Variants in ASCC2 observed in about 807,000 individuals in gnomAD.
ASCC2 encodes the protein activating signal cointegrator 1 complex subunit 2.
In ASCC2, 42 loss-of-function variants were observed where a neutral mutation model predicts 93.5. The observed-to-expected ratio is 0.45, with a 90% CI of 0.35 to 0.58. The LOEUF is 0.58. Among genes scored for constraint, ASCC2 ranks in the 20% least tolerant of loss-of-function variants. ASCC2 has a pLI of 0.00. For synonymous variants in ASCC2, 364 were observed against 384.2 expected, an observed-to-expected ratio of 0.95 and a Z score of 0.62; for missense variants, 859 against 977.6, an observed-to-expected ratio of 0.88 and a Z score of 1.62.
At chr22:29,799,788 C>T (rs768205674) in intron 15 of ASCC2, among the ~76,000 whole-genome samples, 5 of 152,110 alleles carry the variant, frequency 3.3e-5, no homozygotes, top group Admixed American at 6.6e-5. Flanking sequence ...TGGGTGAACT[C>T]TCTTATTTTT....
intron 10 of ASCC2, 99 bp downstream of exon 10, chr22:29,806,698 C>A (rs529283010): frequency 2.8e-6 from 4 of 1,423,116 alleles, no homozygotes; most frequent in Admixed American, 1.8e-5. Context: ...TTCAGCCAAC[C>A]CCAGTGCAGT....
chr22:29,833,766 C>A (rs1445606461), intron 1 of ASCC2, among the ~76,000 whole-genome samples: 1 of 151,958 alleles, frequency 6.6e-6, no homozygotes, highest in Admixed American at 6.6e-5. Context: ...ACCTCTTGAG[C>A]CTTCACAGAC....
chr22:29,827,468 G>GGT, intron 2 of ASCC2: 1 of 416,712 alleles, frequency 2.4e-6, no homozygotes, highest in South Asian at 1.8e-5. Flanking sequence ...TGCCTTCCTA[G>GGT]TGCCTTACGC....
At chr22:29,827,757 G>GACACACACACACACACACACAC (rs35763537) in intron 2 of ASCC2, among the ~76,000 whole-genome samples, 2 of 100,934 alleles carry the variant, frequency 2.0e-5, no homozygotes, top group East Asian at 3.3e-4. Context: ...TCATTCTCCC[G>GACACACACACACACACACACAC]ACACACACAC....
At chr22:29,806,949 C>T (rs752205809) in intron 9 of ASCC2, 45 bp from the exon 10 acceptor site, 25 of 1,472,366 alleles carry the variant, frequency 1.7e-5, no homozygotes, top group Non-Finnish European at 2.2e-5. Flanking sequence ...GACAAAAAGG[C>T]CCTGAGGGGC....
intron 13 of ASCC2, 127 bp from the exon 14 acceptor site, chr22:29,802,335 G>T: frequency 1.1e-6 from 1 of 899,786 alleles, no homozygotes; most frequent in Non-Finnish European, 1.7e-6. Flanking sequence ...CCTCCTGCCT[G>T]TGGGAACTTT....
chr22:29,802,240 G>A, intron 13 of ASCC2, 32 bp from the exon 14 acceptor site: 1 of 1,608,038 alleles, frequency 6.2e-7, no homozygotes, highest in Non-Finnish European at 8.5e-7. Flanking sequence ...AGAAGGGGAA[G>A]GCTAAGTGGG....
chr22:29,799,884 C>T (rs940730115), intron 15 of ASCC2, among the ~76,000 whole-genome samples: 3 of 152,150 alleles, frequency 2.0e-5, no homozygotes, highest in East Asian at 1.9e-4. Context: ...ACCTCCTGGG[C>T]TTAAGTGATC....
chr22:29,819,909 G>A (rs1053922627), intron 5 of ASCC2, among the ~76,000 whole-genome samples: 1 of 152,132 alleles, frequency 6.6e-6, no homozygotes, highest in Non-Finnish European at 1.5e-5. Flanking sequence ...ACCCAGGCTG[G>A]AGTGTAGTGG....
intron 13 of ASCC2, 29 bp from the exon 14 acceptor site, chr22:29,802,237 G>A (rs759329194): frequency 1.2e-6 from 2 of 1,610,786 alleles, no homozygotes; most frequent in Admixed American, 3.3e-5. Context: ...CCAAGAAGGG[G>A]AAGGCTAAGT....
At chr22:29,827,167 T>C (rs2062462731) in intron 2 of ASCC2, among the ~76,000 whole-genome samples, 1 of 152,000 alleles carries the variant, frequency 6.6e-6, no homozygotes, top group South Asian at 2.1e-4. Context: ...TCCTTTTTTT[T>C]TGTTTTTTAT....
intron 2 of ASCC2, among the ~76,000 whole-genome samples, chr22:29,829,186 T>A (rs62227984): frequency 6.6e-6 from 1 of 151,796 alleles, no homozygotes; most frequent in South Asian, 2.1e-4. Context: ...AAAAAAAAAT[T>A]CCCTTTCTTT....
chr22:29,821,952 T>C (rs1021716751), intron 5 of ASCC2: 11 of 450,898 alleles, frequency 2.4e-5, no homozygotes, highest in Admixed American at 7.2e-5. Context: ...TGAAATATGA[T>C]TGCGCCACTG....
chr22:29,812,769 C>G (rs1191819919), intron 8 of ASCC2, among the ~76,000 whole-genome samples: 1 of 152,182 alleles, frequency 6.6e-6, no homozygotes, highest in Non-Finnish European at 1.5e-5. Context: ...GATACCTGTT[C>G]CTTCAAGACA....
At chr22:29,833,446 GGAA>G (rs2063396904) in intron 1 of ASCC2, 1 of 366,850 alleles carries the variant, frequency 2.7e-6, no homozygotes, top group East Asian at 8.4e-5. Context: ...ATGGAAGAAG[GGAA>G]GAAGGACGTG....
chr22:29,821,462 A>T (rs1346277347), intron 5 of ASCC2, among the ~76,000 whole-genome samples: 1 of 152,220 alleles, frequency 6.6e-6, no homozygotes, highest in Non-Finnish European at 1.5e-5. Context: ...CTCTCAGGCA[A>T]GTCCCCTACA....
rs34062345 is a variant in ASCC2, at chr22:29,793,603, C to T, written c.1762G>A (p.Glu588Lys). The T allele has an allele frequency of 1.8e-3, 2,957 of 1,610,112 alleles. 48 individuals are homozygous for T. The African/African-American group carries it at 0.035, about 19-fold the overall frequency. The change falls in exon 16 of 20, where the codon GAG becomes AAG. Residue 588 changes from glutamate to lysine, a missense_variant. Glu to Lys is a moderately conservative substitution (Grantham distance 56). Transcript: ENST00000307790. ...RAVAAQRQRY[E>K]QYSVVVEEVP... Reference sequence around the variant, plus strand: ...TCCTCCACCACCACGCTGTACTGCTCGTAGCGCTGCCGCTGTGCCGCCACT... The same window carrying T: ...TCCTCCACCACCACGCTGTACTGCTTGTAGCGCTGCCGCTGTGCCGCCACT...
In ASCC2 at chr22:29,813,444, G is replaced by T. The variant is rs778483905; in HGVS notation, c.819C>A (p.His273Gln). 1.2e-6 allele frequency: 2 copies of T among 1,611,776 alleles called. No individual in the cohort carries two copies. Among genetic ancestry groups the T allele is most frequent in the Non-Finnish European group, 1.7e-6 (2 of 1,177,850 alleles). Residue 273 changes from histidine (H) to glutamine (Q), a missense_variant, in exon 8 of 20, where the codon CAC (histidine) becomes CAA (glutamine). By Grantham distance (24) the His-to-Gln change is conservative. Transcript: ENST00000307790. Reference sequence around the variant, plus strand: ...TACCGCCTTACCTGTAACAAAAGTCGTGCTTCTGGAAGGTCTGGCAAGCCA... The same window carrying T: ...TACCGCCTTACCTGTAACAAAAGTCTTGCTTCTGGAAGGTCTGGCAAGCCA... ...FPLACQTFQKHDFCYRLASFY... is the reference protein window; with the variant it reads ...FPLACQTFQKQDFCYRLASFY...
rs765293346 is a variant in ASCC2, at chr22:29,825,267, G to T, written c.241-10C>A. 1 of 1,508,962 alleles carries T rather than the reference G, an allele frequency of 6.6e-7. No individual in the cohort carries two copies. The highest frequency in any genetic ancestry group is 1.3e-5 in the South Asian group (1 of 74,192). The allele number at this position is 1,508,962 out of a possible 1,614,324, so 93.5% of individuals were successfully genotyped here. Reference sequence around the variant, plus strand: ...TCTCGTCAAAGATCACCTAAACCAGGAGACAGAGGAGAGCGAGGATTTATC... The same window carrying T: ...TCTCGTCAAAGATCACCTAAACCAGTAGACAGAGGAGAGCGAGGATTTATC... On this transcript the variant is annotated splice_polypyrimidine_tract_variant and intron_variant, in intron 3 of 19. Transcript: ENST00000307790. This position sits in a 1 kb window ranked among gnomAD's most constrained non-coding sequence, Gnocchi z 4.9.
Sources: gnomAD v4.1 joint callset for allele counts (sites outside exome capture counted in the v4.1 genomes callset) on GRCh38, gnomAD v4.1.1 for gene constraint, Gnocchi (gnomAD v3.1) non-coding constraint, MANE v1.5 for transcripts, NCBI Gene and HGNC (gene_info 2026-07-23, HGNC 2026-07-21) for gene names.